Variants in TRAF3 observed in about 807,000 individuals in gnomAD.
TRAF3 encodes TNF receptor-associated factor 3.
In TRAF3, 13 loss-of-function variants were observed where a neutral mutation model predicts 62.3. The ratio of observed to expected loss-of-function variants is 0.21; its 90% CI spans 0.14 to 0.33. The LOEUF (loss-of-function observed/expected upper bound fraction) is 0.33. Ranked by LOEUF, TRAF3 falls within the 10% of genes least tolerant of loss-of-function variation. The probability of loss-of-function intolerance (pLI) is 1.00; values close to 1 mark genes in which losing one functional copy is unlikely to be tolerated. For missense variants in TRAF3, 440 were observed against 741.8 expected, an observed-to-expected ratio of 0.59 and a Z score of 4.73; for synonymous variants, 269 against 283.4, an observed-to-expected ratio of 0.95 and a Z score of 0.51.
intron 2 of TRAF3, among the ~76,000 whole-genome samples, chr14:102,842,047 G>T (rs1886401161): frequency 6.6e-6 from 1 of 151,800 alleles, no homozygotes; most frequent in African/African-American, 2.4e-5. Context: ...GAGTTGAAGA[G>T]TAGCCTGGCC....
Position 102,784,332 on chromosome 14 carries a change from C to T in TRAF3, c.-157+6657C>T, listed in dbSNP as rs986641155. Among the ~76,000 whole-genome samples the T allele has an allele frequency of 2.0e-4, 30 of 150,922 alleles. No homozygotes were observed. In the Admixed American group the frequency reaches 2.0e-3, roughly 10 times the overall value. On this transcript the variant is annotated intron_variant, in intron 1 of 11. Transcript: ENST00000392745. ...CCGCCCCCTGGGTTCAAGCTATTCT[C>T]CTGCCCCAGCCTCCTGAGTAGCTGG...
intron 1 of TRAF3, among the ~76,000 whole-genome samples, chr14:102,785,324 A>G (rs1418304064): frequency 6.6e-6 from 1 of 152,108 alleles, no homozygotes; most frequent in Non-Finnish European, 1.5e-5. Flanking sequence ...CCTTTGACAC[A>G]TTTGGATGGG....
chr14:102,866,548 T>TA (rs998687825), intron 2 of TRAF3, among the ~76,000 whole-genome samples: 2 of 151,884 alleles, frequency 1.3e-5, no homozygotes, highest in African/African-American at 4.8e-5. Context: ...GGAACCCAAT[T>TA]AAAAAAATGA....
rs370697221 is a variant in TRAF3, at chr14:102,905,277, C to T, written c.1200C>T (p.Ala400=). The T allele has an allele frequency of 3.3e-5, 53 of 1,614,080 alleles. No individual in the cohort carries two copies. The highest frequency in any genetic ancestry group is 3.1e-4 in the South Asian group (28 of 91,094). ...QMLSVHDIRL[A]DMDLRFQVLE... is the part of the protein sequence containing the mutation. The stretch of plus-strand genomic sequence containing the variant: ...TGAGTGTGCACGACATCCGCCTAGC[C>T]GACATGGACCTGCGCTTCCAGGTCC... The change falls in exon 12 of 12, where the codon GCC becomes GCT. Residue 400 remains alanine, a synonymous_variant. Coordinates refer to ENST00000392745, the MANE Select transcript of TRAF3 (RefSeq NM_145725.3).
At chr14:102,824,255 T>G (rs1338351877) in intron 1 of TRAF3, among the ~76,000 whole-genome samples, 4 of 152,256 alleles carry the variant, frequency 2.6e-5, no homozygotes, top group Non-Finnish European at 5.9e-5. Flanking sequence ...TGTGTCATGT[T>G]TAAAGCCCCT....
intron 4 of TRAF3, among the ~76,000 whole-genome samples, chr14:102,873,050 A>G (rs571847198): frequency 7.2e-5 from 11 of 152,360 alleles, no homozygotes; most frequent in African/African-American, 2.2e-4. Context: ...ACTTTGAGTA[A>G]TATACCTAAC....
chr14:102,780,519 CT>C (rs35556588), intron 1 of TRAF3, among the ~76,000 whole-genome samples: 28,844 of 146,416 alleles, frequency 0.2, 3,016 homozygotes, highest in East Asian at 0.38. Context: ...AGCATAATAC[CT>C]TTTTTTTTTT....
chr14:102,893,163 G>A (rs1318515551), intron 9 of TRAF3, among the ~76,000 whole-genome samples: 1 of 151,824 alleles, frequency 6.6e-6, no homozygotes, highest in Admixed American at 6.6e-5. Context: ...CCGAGGCTGA[G>A]GCTGAGGTCG....
In TRAF3 at chr14:102,911,455, C is replaced by T. The variant is rs1890864463; in HGVS notation, c.*5671C>T. ...CTGTAGAATGCAAAACTCGGAGATG[C>T]TAAACTGTCTTATTAGAGGAAAATA... On this transcript the variant is annotated 3_prime_UTR_variant, in exon 12 of 12. Coordinates refer to ENST00000392745, the MANE Select transcript of TRAF3 (RefSeq NM_145725.3). 2 of 152,216 alleles carry T rather than the reference C, an allele frequency of 1.3e-5. No individual in the cohort carries two copies. Among genetic ancestry groups the T allele is most frequent in the Admixed American group, 1.3e-4 (2 of 15,280 alleles). The allele number at this position is 152,216 out of a possible 1,614,324, so 9.4% of individuals were successfully genotyped here.
At chr14:102,869,146 TGA>T (rs2139821213) in intron 2 of TRAF3, among the ~76,000 whole-genome samples, 1 of 152,336 alleles carries the variant, frequency 6.6e-6, no homozygotes, top group African/African-American at 2.4e-5. Flanking sequence ...TGACATGGTG[TGA>T]CGTGCTCTGT....
At chr14:102,878,715 G>A (rs1888865422) in intron 6 of TRAF3, among the ~76,000 whole-genome samples, 1 of 152,176 alleles carries the variant, frequency 6.6e-6, no homozygotes, top group Admixed American at 6.5e-5. Context: ...GGACAGTGGG[G>A]GAGCATGTGG....
At chr14:102,896,640 G>T (rs1890023522) in intron 9 of TRAF3, among the ~76,000 whole-genome samples, 1 of 152,146 alleles carries the variant, frequency 6.6e-6, no homozygotes, top group Non-Finnish European at 1.5e-5. Flanking sequence ...TCTGATAAAA[G>T]ATTTGCTAGT....
At chr14:102,817,894 T>C (rs1430854958) in intron 1 of TRAF3, among the ~76,000 whole-genome samples, 1 of 152,340 alleles carries the variant, frequency 6.6e-6, no homozygotes, top group East Asian at 1.9e-4. Flanking sequence ...TTGCCTATTT[T>C]GTTATCCATA....
At chr14:102,812,065 A>C (rs182954578) in intron 1 of TRAF3, among the ~76,000 whole-genome samples, 2 of 151,402 alleles carry the variant, frequency 1.3e-5, no homozygotes, top group African/African-American at 4.8e-5. Flanking sequence ...ACCTGGCCTG[A>C]AGCTATATAT....
intron 2 of TRAF3, among the ~76,000 whole-genome samples, chr14:102,841,268 T>C (rs1451418926): frequency 6.6e-6 from 1 of 152,138 alleles, no homozygotes; most frequent in Non-Finnish European, 1.5e-5. Context: ...GCTCTAGAGA[T>C]CTGCAGAAGG....
chr14:102,852,456 G>T (rs921835711), intron 2 of TRAF3, among the ~76,000 whole-genome samples: 2 of 152,226 alleles, frequency 1.3e-5, no homozygotes, highest in African/African-American at 2.4e-5. Flanking sequence ...CCATCAGTCA[G>T]TGTGGTCCGT....
chr14:102,875,528 G>GAT (rs1555374496), intron 4 of TRAF3, 96 bp from the exon 5 acceptor site: 70 of 839,736 alleles, frequency 8.3e-5, no homozygotes, highest in Non-Finnish European at 2.8e-5. Context: ...TTCCTCTCTT[G>GAT]TTTTTTTTTT....
At chr14:102,865,649 G>A (rs1234979292) in intron 2 of TRAF3, among the ~76,000 whole-genome samples, 1 of 152,050 alleles carries the variant, frequency 6.6e-6, no homozygotes. Context: ...ACAGGCATGT[G>A]CCACCATGCC....
intron 1 of TRAF3, among the ~76,000 whole-genome samples, chr14:102,824,671 G>A (rs895087456): frequency 6.6e-6 from 1 of 152,190 alleles, no homozygotes; most frequent in Non-Finnish European, 1.5e-5. Context: ...TCCATAGTTT[G>A]CATCAAATTC....
Sources: gnomAD v4.1 joint callset for allele counts (sites outside exome capture counted in the v4.1 genomes callset) on GRCh38, gnomAD v4.1.1 for gene constraint, MANE v1.5 for transcripts, NCBI Gene and HGNC (gene_info 2026-07-23, HGNC 2026-07-21) for gene names.